EWSR1: variants seen among roughly 807,000 people sequenced by gnomAD.
EWSR1 encodes EWS RNA binding protein 1.
A neutral mutation model predicts 92.1 loss-of-function variants in EWSR1; 14 were observed. The ratio of observed to expected loss-of-function variants is 0.15; its 90% confidence interval spans 0.10 to 0.24. The LOEUF is 0.24. EWSR1 is among the 10% of genes least tolerant of loss of function. EWSR1 has a pLI of 1.00. For synonymous variants in EWSR1, 303 were observed against 292.9 expected (o/e 1.03, Z -0.35); for missense variants, 637 against 870.9 (o/e 0.73, Z 3.38).
At position 29,298,822 on chromosome 22, in the gene EWSR1, C is replaced by T. The variant is rs1024220000; in HGVS notation, c.1507C>T (p.Arg503Trp). ...AGGAGGCTTCCCTCCAAGAGGACCC[C>T]GGGGTTCCCGAGGGAACCCCTCTGG... is the stretch of plus-strand genomic sequence containing the variant. ...DRGGFPPRGP[R>W]GSRGNPSGGG... Residue 503 changes from arginine to tryptophan, a missense_variant, in exon 14 of 17, where the codon CGG becomes TGG. Coordinates refer to ENST00000397938, the MANE Select transcript of EWSR1 (RefSeq NM_005243.4). 2 of 1,601,238 alleles carry T rather than the reference C, an allele frequency of 1.2e-6. No individual in the cohort carries two copies. The highest frequency in any genetic ancestry group is 1.1e-5 in the South Asian group (1 of 89,164).
chr22:29,273,659 G>T (rs4820803), intron 3 of EWSR1, 82 bp from the exon 4 acceptor site: 4 of 1,461,644 alleles, frequency 2.7e-6, no homozygotes, highest in Non-Finnish European at 3.7e-6. Context: ...TTTTGATTTT[G>T]GTTCTCCAAT....
chr22:29,293,549 C>T lies in EWSR1; in HGVS notation c.1164+943C>T, dbSNP rs73401101. On this transcript the variant is annotated intron_variant, in intron 11 of 16. Coordinates refer to ENST00000397938, the MANE Select transcript of EWSR1 (RefSeq NM_005243.4). Reference sequence around the variant, plus strand: ...TTTTCCCCATGAAGATTTTATTTCTCCATTTATTTGTATATTTATTTGCTT... The same window carrying T: ...TTTTCCCCATGAAGATTTTATTTCTTCATTTATTTGTATATTTATTTGCTT... 5.2e-3 allele frequency among the ~76,000 whole-genome samples: 795 copies of T among 152,182 alleles called. 6 individuals are homozygous for T. The highest frequency in any genetic ancestry group is 0.018 in the African/African-American group (756 of 41,526).
At chr22:29,276,103 C>CA (rs977312136) in intron 4 of EWSR1, 2 of 231,758 alleles carry the variant, frequency 8.6e-6, no homozygotes, top group African/African-American at 4.4e-5. Context: ...AGTTTTATGA[C>CA]ATGAGTTATT....
chr22:29,291,684 A>T (rs1470347662), intron 9 of EWSR1, 85 bp downstream of exon 9: 1 of 1,303,496 alleles, frequency 7.7e-7, no homozygotes, highest in Non-Finnish European at 1.1e-6. Flanking sequence ...TATTAGTTTC[A>T]TAAGTGGTTT....
intron 11 of EWSR1, chr22:29,296,029 C>A: frequency 1.9e-6 from 1 of 524,320 alleles, no homozygotes; most frequent in South Asian, 2.2e-5. Flanking sequence ...CTGTTCACTT[C>A]CACACTTTGG....
At chr22:29,297,675 C>CA (rs1394914841) in intron 12 of EWSR1, 152 bp from the exon 13 acceptor site, 13 of 1,043,834 alleles carry the variant, frequency 1.2e-5, no homozygotes, top group South Asian at 3.3e-5. Context: ...ACTCCCATCT[C>CA]AAAAAAAGCC....
At chr22:29,288,285 G>C (rs927871227) in intron 7 of EWSR1, among the ~76,000 whole-genome samples, 1 of 152,198 alleles carries the variant, frequency 6.6e-6, no homozygotes, top group Non-Finnish European at 1.5e-5. Context: ...CTTGAGTTTA[G>C]CTCAAAAGAA....
chr22:29,279,858 C>G (rs2059423057), intron 5 of EWSR1, among the ~76,000 whole-genome samples: 1 of 152,202 alleles, frequency 6.6e-6, no homozygotes, highest in African/African-American at 2.4e-5. Flanking sequence ...CCATTTGATA[C>G]TCTGATGCAA....
At chr22:29,295,810 G>A (rs955589796) in intron 11 of EWSR1, 6 of 228,120 alleles carry the variant, frequency 2.6e-5, no homozygotes, top group Non-Finnish European at 4.3e-5. Flanking sequence ...GACTAACCAA[G>A]AATCCCTGTA....
intron 1 of EWSR1, among the ~76,000 whole-genome samples, chr22:29,271,371 GT>G (rs1295322027): frequency 6.6e-6 from 1 of 152,188 alleles, no homozygotes; most frequent in Non-Finnish European, 1.5e-5. Flanking sequence ...CAGTGGACCA[GT>G]TTTTGGTCCC....
chr22:29,297,777 G>C (rs1317186298), intron 12 of EWSR1, 50 bp from the exon 13 acceptor site: 1 of 1,605,626 alleles, frequency 6.2e-7, no homozygotes, highest in South Asian at 1.1e-5. Context: ...TGTGGAGTTG[G>C]TGAACAGGGA....
intron 16 of EWSR1, 90 bp downstream of exon 16, chr22:29,299,941 T>A: frequency 6.5e-7 from 1 of 1,543,216 alleles, no homozygotes; most frequent in South Asian, 1.2e-5. Flanking sequence ...CTCATGTCTC[T>A]AGGAAGCTTG....
At chr22:29,286,801 GTAAC>G in intron 6 of EWSR1, 118 bp from the exon 7 acceptor site, 2 of 664,362 alleles carry the variant, frequency 3.0e-6, no homozygotes, top group Admixed American at 2.8e-5. Context: ...TGTGTAGAAA[GTAAC>G]TACTGTTTTA....
chr22:29,292,439 C>T (rs759517917), intron 10 of EWSR1, 49 bp from the exon 11 acceptor site: 3 of 1,260,478 alleles, frequency 2.4e-6, no homozygotes, highest in Admixed American at 1.7e-5. Flanking sequence ...AGTTAAGAAA[C>T]CCCTATAGAT....
chr22:29,299,654 C>T lies in EWSR1; in HGVS notation c.1734C>T (p.Leu578=). ...PGGMRGGRGG[L]MDRGGPGGMF... ...GCATGCGGGGAGGAAGAGGTGGCCT[C>T]ATGGATCGTGGTGGTCCCGGTGGAA... The change falls in exon 16 of 17, where the codon CTC becomes CTT. Residue 578 remains leucine, a synonymous_variant. Coordinates refer to ENST00000397938, the MANE Select transcript of EWSR1 (RefSeq NM_005243.4). 1.2e-6 allele frequency: 2 copies of T among 1,610,332 alleles called. No individual in the cohort carries two copies. The highest frequency in any genetic ancestry group is 1.7e-6 in the Non-Finnish European group (2 of 1,178,088).
intron 7 of EWSR1, among the ~76,000 whole-genome samples, chr22:29,287,388 C>T (rs1602417478): frequency 2.0e-5 from 3 of 152,072 alleles, no homozygotes; most frequent in East Asian, 1.9e-4. Context: ...TTGTATTTTT[C>T]GTAGAGACGG....
At chr22:29,292,628 T>C (rs372196739) in intron 11 of EWSR1, 22 bp downstream of exon 11, 1 of 1,479,748 alleles carries the variant, frequency 6.8e-7, no homozygotes, top group East Asian at 2.3e-5. Flanking sequence ...CATAACCAGG[T>C]CATCTGGCAG....
At chr22:29,286,686 CAAAAAA>C (rs373796997) in intron 6 of EWSR1, among the ~76,000 whole-genome samples, 3 of 76,350 alleles carry the variant, frequency 3.9e-5, no homozygotes, top group Non-Finnish European at 5.2e-5. Context: ...CACTCTGTCT[CAAAAAA>C]AAAAAAAAAA....
At chr22:29,285,052 C>G (rs1187963779) in intron 6 of EWSR1, among the ~76,000 whole-genome samples, 1 of 150,400 alleles carries the variant, frequency 6.6e-6, no homozygotes, top group Non-Finnish European at 1.5e-5. Flanking sequence ...CCCCTGACCT[C>G]AGGTGATCCA....
Sources: gnomAD v4.1 joint callset for allele counts (sites outside exome capture counted in the v4.1 genomes callset) on GRCh38, gnomAD v4.1.1 for gene constraint, MANE v1.5 for transcripts, NCBI Gene and HGNC (gene_info 2026-07-23, HGNC 2026-07-21) for gene names.